TES: variants seen among roughly 807,000 people sequenced by gnomAD.
TES encodes the protein testin.
In TES, 41 loss-of-function variants were observed where a neutral mutation model predicts 48.2. That is an observed-to-expected ratio of 0.85 (90% CI 0.66 to 1.10). TES has a LOEUF of 1.10. Among genes scored for constraint, TES ranks in the 50% least tolerant of loss-of-function variants. TES has a pLI of 0.00. For synonymous variants in TES, 162 were observed against 174.9 expected (o/e 0.93, Z 0.58); for missense variants, 463 against 515.1 (o/e 0.90, Z 0.98).
At chr7:116,211,283 T>C (rs1173961670) in intron 1 of TES, 1 of 152,310 alleles carries the variant, frequency 6.6e-6, no homozygotes, top group Non-Finnish European at 1.5e-5. Flanking sequence ...TAATGTGATT[T>C]TTTTTTCGGT....
At chr7:116,219,724 T>C (rs1263021752) in intron 1 of TES, among the ~76,000 whole-genome samples, 1 of 152,142 alleles carries the variant, frequency 6.6e-6, no homozygotes, top group African/African-American at 2.4e-5. Context: ...ATTGGGACCA[T>C]TACTTCAGTC....
At chr7:116,223,915 A>G (rs796818775) in intron 1 of TES, among the ~76,000 whole-genome samples, 59 of 152,352 alleles carry the variant, frequency 3.9e-4, no homozygotes, top group African/African-American at 1.3e-3. Context: ...ATGGTTCCCA[A>G]TTACTCCCAC....
chr7:116,228,750 T>C (rs1237633897), intron 1 of TES, among the ~76,000 whole-genome samples: 1 of 152,042 alleles, frequency 6.6e-6, no homozygotes, highest in Non-Finnish European at 1.5e-5. Flanking sequence ...CAGATGACCA[T>C]GCTGAATAAT....
chr7:116,252,310 C>CT lies in TES; in HGVS notation c.919-6dup. On this transcript the variant is annotated splice_region_variant and splice_polypyrimidine_tract_variant and intron_variant, in intron 5 of 6. Transcript: ENST00000358204. Reference sequence around the variant, plus strand: ...AAAAATCCATCTTTATTTTTATCTTCTTCCTAGCTGATATTCAGCAATGAG... The same window carrying CT: ...AAAAATCCATCTTTATTTTTATCTTCTTTCCTAGCTGATATTCAGCAATGAG... 2 of 1,595,778 alleles carry CT rather than the reference C, an allele frequency of 1.3e-6. No homozygotes were observed. The highest frequency in any genetic ancestry group is 1.7e-6 in the Non-Finnish European group (2 of 1,166,652).
At chr7:116,232,869 A>T (rs903806243) in intron 1 of TES, among the ~76,000 whole-genome samples, 6 of 152,214 alleles carry the variant, frequency 3.9e-5, no homozygotes, top group Admixed American at 3.9e-4. Context: ...AGTATACTTT[A>T]TATGGTCTAA....
rs564160646 is a variant in TES, at chr7:116,210,779, G to C, written c.27+45G>C. The C allele has an allele frequency of 5.5e-5, 68 of 1,233,368 alleles. No individual in the cohort carries two copies. In the East Asian group the frequency reaches 2.0e-3, roughly 36 times the overall value. The allele number at this position is 1,233,368 out of a possible 1,614,324, so 76.4% of individuals were successfully genotyped here. ...GGGCGGCGGCTGCTTCACCTGCGCG[G>C]GTCGCGCGGCGCGCGGCGGCCGGAG... On this transcript the variant is annotated intron_variant, in intron 1 of 6. Transcript: ENST00000358204.
intron 1 of TES, among the ~76,000 whole-genome samples, chr7:116,216,410 A>G (rs1375859890): frequency 6.6e-6 from 1 of 152,096 alleles, no homozygotes; most frequent in East Asian, 1.9e-4. Flanking sequence ...ATCCGAGTCC[A>G]CTATTTTTTG....
At chr7:116,238,089 CTTT>C (rs1198543450) in intron 2 of TES, 2 of 152,192 alleles carry the variant, frequency 1.3e-5, no homozygotes, top group Non-Finnish European at 2.9e-5. Context: ...AATCATTTTC[CTTT>C]TTATCACCTT....
chr7:116,248,847 T>C (rs1426535015), intron 2 of TES, among the ~76,000 whole-genome samples, 173 bp from the exon 3 acceptor site: 1 of 152,224 alleles, frequency 6.6e-6, no homozygotes, highest in Non-Finnish European at 1.5e-5. Context: ...AGTCGTGTTT[T>C]GTTTCCTTCT....
chr7:116,228,247 A>C (rs1008959196), intron 1 of TES, among the ~76,000 whole-genome samples: 1 of 151,910 alleles, frequency 6.6e-6, no homozygotes, highest in Admixed American at 6.6e-5. Context: ...CTTAAGACCT[A>C]TTTGTCTATG....
At chr7:116,243,981 T>C (rs1799887617) in intron 2 of TES, 1 of 152,156 alleles carries the variant, frequency 6.6e-6, no homozygotes. Context: ...TTAGCTCTCA[T>C]GAGAACTCAC....
chr7:116,218,587 T>G (rs1384613220), intron 1 of TES, among the ~76,000 whole-genome samples: 2 of 152,148 alleles, frequency 1.3e-5, no homozygotes, highest in Non-Finnish European at 2.9e-5. Context: ...TTACCCTTTG[T>G]TTTTCGTAGA....
Position 116,250,438 on chromosome 7 carries a change from C to T in TES, c.644C>T (p.Thr215Ile). The T allele has an allele frequency of 6.2e-7, 1 of 1,601,016 alleles. No individual in the cohort carries two copies. The highest frequency in any genetic ancestry group is 8.5e-7 in the Non-Finnish European group (1 of 1,174,342). Reference sequence around the variant, plus strand: ...AACATTCCTGGAGGGGATAGAAGCACCCCAGCAGCAGTGGGGGCCATGGAG... The same window carrying T: ...AACATTCCTGGAGGGGATAGAAGCATCCCAGCAGCAGTGGGGGCCATGGAG... ...QMNIPGGDRSTPAAVGAMEDK... is the reference protein window; with the variant it reads ...QMNIPGGDRSIPAAVGAMEDK... The change falls in exon 4 of 7, where the codon ACC becomes ATC. Residue 215 changes from threonine (T) to isoleucine (I), a missense_variant. Transcript: ENST00000358204.
intron 2 of TES, among the ~76,000 whole-genome samples, chr7:116,239,639 C>T (rs1173191445): frequency 6.6e-6 from 1 of 152,216 alleles, no homozygotes; most frequent in African/African-American, 2.4e-5. Context: ...AGGCTGTCGC[C>T]TCTGAAGTGT....
chr7:116,248,152 C>G (rs1042609314), intron 2 of TES, among the ~76,000 whole-genome samples: 1 of 152,082 alleles, frequency 6.6e-6, no homozygotes, highest in Non-Finnish European at 1.5e-5. Context: ...TGATTTCATT[C>G]TTTTTTTATG....
chr7:116,210,753 C>G lies in TES; in HGVS notation c.27+19C>G. 8.1e-7 allele frequency: 1 copy of G among 1,239,200 alleles called. No individual in the cohort carries two copies. The highest frequency in any genetic ancestry group is 1.0e-6 in the Non-Finnish European group (1 of 981,516). The allele number at this position is 1,239,200 out of a possible 1,614,324, so 76.8% of individuals were successfully genotyped here. On this transcript the variant is annotated intron_variant, in intron 1 of 6. Transcript: ENST00000358204. ...GAAGAAGGTAGGGGGGCGCTCGTGGCGGGCGGCGGCTGCTTCACCTGCGCG... is the reference window on the plus strand; with the variant it reads ...GAAGAAGGTAGGGGGGCGCTCGTGGGGGGCGGCGGCTGCTTCACCTGCGCG...
chr7:116,255,592 A>C (rs1461650079), intron 6 of TES, among the ~76,000 whole-genome samples: 1 of 152,206 alleles, frequency 6.6e-6, no homozygotes, highest in Non-Finnish European at 1.5e-5. Context: ...AACATTAGTT[A>C]TCTCTTTTTT....
At position 116,210,684 on chromosome 7, in the gene TES, AG is replaced by A. The variant is rs1799424600; in HGVS notation, c.-20del. 1 of 1,299,206 alleles carries A rather than the reference AG, an allele frequency of 7.7e-7. No homozygotes were observed. Among genetic ancestry groups the A allele is most frequent in the Admixed American group, 3.6e-5 (1 of 27,676 alleles). The allele number at this position is 1,299,206 out of a possible 1,614,324, so 80.5% of individuals were successfully genotyped here. On this transcript the variant is annotated 5_prime_UTR_variant, in exon 1 of 7. Transcript: ENST00000358204. Reference sequence around the variant, plus strand: ...CCGTGGGATCCCGGATAGGAGGAGGAGGGGACCCATAGGACGCGTTAACATG... The same window carrying A: ...CCGTGGGATCCCGGATAGGAGGAGGAGGGACCCATAGGACGCGTTAACATG...
At chr7:116,221,335 G>A (rs1218610325) in intron 1 of TES, among the ~76,000 whole-genome samples, 3 of 152,160 alleles carry the variant, frequency 2.0e-5, no homozygotes, top group Non-Finnish European at 4.4e-5. Flanking sequence ...ACACTGCAAC[G>A]TATTGTGGTC....
Sources: gnomAD v4.1 joint callset for allele counts (sites outside exome capture counted in the v4.1 genomes callset) on GRCh38, gnomAD v4.1.1 for gene constraint, MANE v1.5 for transcripts, NCBI Gene and HGNC (gene_info 2026-07-23, HGNC 2026-07-21) for gene names.